The following DDHD1 variants were observed in gnomAD, a reference collection of about 807,000 sequenced individuals.
DDHD1 encodes DDHD domain containing 1.
In DDHD1, 49 loss-of-function variants were observed where a neutral mutation model predicts 96.4. The observed-to-expected ratio is 0.51, with a 90% CI of 0.40 to 0.64. The LOEUF (loss-of-function observed/expected upper bound fraction) is 0.64, where lower values mean the gene tolerates loss of function less well. Among genes scored for constraint, DDHD1 ranks in the 30% least tolerant of loss-of-function variants. DDHD1 has a pLI of 0.00. For synonymous variants in DDHD1, 442 were observed against 446.5 expected (o/e 0.99, Z 0.13); for missense variants, 1,106 against 1,161.2 (o/e 0.95, Z 0.69).
At chr14:53,118,157 G>A (rs1425095586) in intron 1 of DDHD1, among the ~76,000 whole-genome samples, 2 of 152,108 alleles carry the variant, frequency 1.3e-5, no homozygotes, top group African/African-American at 2.4e-5. Flanking sequence ...TCCACCTGTA[G>A]GTCACCATCA....
chr14:53,103,967 T>G, intron 1 of DDHD1, 111 bp from the exon 2 acceptor site: 1 of 873,800 alleles, frequency 1.1e-6, no homozygotes, highest in Non-Finnish European at 1.7e-6. Context: ...AAACAGATTT[T>G]CATGACCCAA....
At chr14:53,111,471 C>T (rs1054754642) in intron 1 of DDHD1, among the ~76,000 whole-genome samples, 5 of 152,100 alleles carry the variant, frequency 3.3e-5, no homozygotes, top group Admixed American at 6.5e-5. Flanking sequence ...GTGCTTACAG[C>T]ACAGGCATCA....
At chr14:53,137,055 C>T (rs1354413027) in intron 1 of DDHD1, among the ~76,000 whole-genome samples, 1 of 151,876 alleles carries the variant, frequency 6.6e-6, no homozygotes, top group Non-Finnish European at 1.5e-5. Context: ...GAGGAAAATA[C>T]AAACATGATG....
At chr14:53,052,049 A>C (rs1882633293) in intron 11 of DDHD1, 122 bp from the exon 12 acceptor site, 2 of 684,286 alleles carry the variant, frequency 2.9e-6, no homozygotes, top group Non-Finnish European at 5.0e-6. Flanking sequence ...TCTAGCATAC[A>C]TAAAGTAGTA....
At chr14:53,066,795 T>TG (rs1425894424) in intron 6 of DDHD1, among the ~76,000 whole-genome samples, 1 of 151,938 alleles carries the variant, frequency 6.6e-6, no homozygotes, top group Non-Finnish European at 1.5e-5. Flanking sequence ...GGTGAAACCC[T>TG]GTCTCTACTA....
At chr14:53,088,136 G>T (rs1886139324) in intron 4 of DDHD1, among the ~76,000 whole-genome samples, 1 of 152,086 alleles carries the variant, frequency 6.6e-6, no homozygotes, top group South Asian at 2.1e-4. Flanking sequence ...TTGAATCACT[G>T]AATAGACCAA....
At chr14:53,068,387 A>G (rs1052869324) in intron 6 of DDHD1, among the ~76,000 whole-genome samples, 2 of 151,830 alleles carry the variant, frequency 1.3e-5, no homozygotes, top group Non-Finnish European at 2.9e-5. Flanking sequence ...CTAGGACTAC[A>G]GCCCAAACCA....
chr14:53,087,457 C>G (rs1886075080), intron 4 of DDHD1, among the ~76,000 whole-genome samples: 1 of 152,176 alleles, frequency 6.6e-6, no homozygotes, highest in Non-Finnish European at 1.5e-5. Flanking sequence ...TGACAACAAA[C>G]TGTGTCTCAG....
chr14:53,101,007 C>T (rs1477551226), intron 2 of DDHD1, among the ~76,000 whole-genome samples: 6 of 152,204 alleles, frequency 3.9e-5, no homozygotes, highest in South Asian at 4.1e-4. Flanking sequence ...GAAACCTTGT[C>T]GATTTCTTTC....
chr14:53,095,256 A>C (rs1040734066), intron 2 of DDHD1, among the ~76,000 whole-genome samples: 1 of 152,168 alleles, frequency 6.6e-6, no homozygotes, highest in East Asian at 1.9e-4. Context: ...TTTCAAGGCA[A>C]AATATTATCT....
intron 1 of DDHD1, among the ~76,000 whole-genome samples, chr14:53,115,621 CA>C (rs1256035768): frequency 6.6e-6 from 1 of 152,094 alleles, no homozygotes; most frequent in African/African-American, 2.4e-5. Flanking sequence ...CATATCCAGC[CA>C]AACTAAGCTT....
chr14:53,132,451 G>A (rs1241633403), intron 1 of DDHD1, among the ~76,000 whole-genome samples: 1 of 152,006 alleles, frequency 6.6e-6, no homozygotes, highest in Non-Finnish European at 1.5e-5. Context: ...AGGCCCAATC[G>A]CCAATCACTG....
intron 2 of DDHD1, chr14:53,102,966 C>T (rs536786925): frequency 5.6e-5 from 83 of 1,480,950 alleles, no homozygotes; most frequent in East Asian, 2.3e-4. Context: ...GATGAAGAAA[C>T]GGTTTTAGAA....
chr14:53,071,776 T>C (rs1269068146), intron 6 of DDHD1, among the ~76,000 whole-genome samples: 1 of 152,084 alleles, frequency 6.6e-6, no homozygotes, highest in African/African-American at 2.4e-5. Context: ...TCACTAAATA[T>C]TTACTGATTA....
At chr14:53,103,493 T>A (rs1418146581) in intron 2 of DDHD1, 190 bp downstream of exon 2, 1 of 497,210 alleles carries the variant, frequency 2.0e-6, no homozygotes, top group Non-Finnish European at 3.4e-6. Context: ...CATATTAAAA[T>A]AAAAATTGAG....
At chr14:53,069,894 A>T (rs1884366076) in intron 6 of DDHD1, among the ~76,000 whole-genome samples, 1 of 152,172 alleles carries the variant, frequency 6.6e-6, no homozygotes, top group Non-Finnish European at 1.5e-5. Context: ...CATGAAATTC[A>T]TCTGGATCAA....
chr14:53,121,511 G>A (rs1888986387), intron 1 of DDHD1, among the ~76,000 whole-genome samples: 1 of 152,276 alleles, frequency 6.6e-6, no homozygotes, highest in Non-Finnish European at 1.5e-5. Context: ...ATTTACAATA[G>A]CAAAGACTTG....
chr14:53,048,508 T>C (rs1209036979), intron 12 of DDHD1: 1 of 152,074 alleles, frequency 6.6e-6, no homozygotes, highest in African/African-American at 2.4e-5. Context: ...TGGCTAATTT[T>C]TTTGTATTTT....
rs1891470330 is a variant in DDHD1, at chr14:53,152,377, G to A, written c.722C>T (p.Thr241Met). Reference protein sequence around the residue: ...EDRACGFCQSTTGHEPEMVEL... With the variant: ...EDRACGFCQSMTGHEPEMVEL... Reference sequence around the variant, plus strand: ...CACCATCTCCGGCTCGTGCCCCGTCGTACTCTGGCAGAAGCCGCAGGCGCG... The same window carrying A: ...CACCATCTCCGGCTCGTGCCCCGTCATACTCTGGCAGAAGCCGCAGGCGCG... Residue 241 changes from threonine (T) to methionine (M), a missense_variant, in exon 1 of 13, where the codon ACG (threonine) becomes ATG (methionine). By Grantham distance (81) the Thr-to-Met change is moderately conservative. Around this residue, in one of 2 missense-constraint regions of DDHD1, gnomAD observed 456 missense variants for 402.4 expected, o/e 1.13. Coordinates refer to ENST00000673822, the MANE Select transcript of DDHD1 (RefSeq NM_001160148.2). 5.6e-6 allele frequency: 9 copies of A among 1,613,798 alleles called. No individual in the cohort carries two copies. In the South Asian group the frequency reaches 7.7e-5, roughly 14 times the overall value.
Sources: gnomAD v4.1 joint callset for allele counts (sites outside exome capture counted in the v4.1 genomes callset) on GRCh38, gnomAD v4.1.1 for gene constraint, gnomAD v4.1.1 regional missense constraint, MANE v1.5 for transcripts, NCBI Gene and HGNC (gene_info 2026-07-23, HGNC 2026-07-21) for gene names.